KIAA1549L: variants seen among roughly 807,000 people sequenced by gnomAD.
The protein encoded by KIAA1549L is KIAA1549 like, also known as UPF0606 protein KIAA1549L.
In KIAA1549L, 88 loss-of-function variants were observed where a neutral mutation model predicts 160.7. That is an observed-to-expected ratio of 0.55 (90% CI 0.46 to 0.65). The LOEUF is 0.65. Ranked by LOEUF, KIAA1549L falls within the 30% of genes least tolerant of loss-of-function variation. KIAA1549L has a pLI of 0.00. For synonymous variants in KIAA1549L, 950 were observed against 976.7 expected, an observed-to-expected ratio of 0.97 and a Z score of 0.51; for missense variants, 2,258 against 2,437.5, an observed-to-expected ratio of 0.93 and a Z score of 1.55.
chr11:33,479,756 A>G (rs910261303), intron 1 of KIAA1549L, among the ~76,000 whole-genome samples: 3 of 152,176 alleles, frequency 2.0e-5, no homozygotes, highest in African/African-American at 7.2e-5. Context: ...GTTGGGAGGG[A>G]AAACAGGAGC....
At chr11:33,474,497 A>G (rs1315739477) in intron 1 of KIAA1549L, among the ~76,000 whole-genome samples, 1 of 152,172 alleles carries the variant, frequency 6.6e-6, no homozygotes, top group Non-Finnish European at 1.5e-5. Flanking sequence ...TTAGAATCAC[A>G]TGTGTGACAA....
At chr11:33,496,610 C>T (rs1391103818) in intron 1 of KIAA1549L, among the ~76,000 whole-genome samples, 1 of 152,184 alleles carries the variant, frequency 6.6e-6, no homozygotes, top group Non-Finnish European at 1.5e-5. Flanking sequence ...CCTTGGCAGA[C>T]CACTGTAAGG....
intron 1 of KIAA1549L, among the ~76,000 whole-genome samples, chr11:33,387,603 G>T (rs1850198700): frequency 6.6e-6 from 1 of 151,660 alleles, no homozygotes; most frequent in South Asian, 2.1e-4. Flanking sequence ...ATCATTCCTG[G>T]CCCATTTTCT....
chr11:33,457,677 T>A (rs1441229839), intron 1 of KIAA1549L, among the ~76,000 whole-genome samples: 1 of 152,170 alleles, frequency 6.6e-6, no homozygotes, highest in Non-Finnish European at 1.5e-5. Context: ...TAACAAGCAT[T>A]CATTGAGCCC....
chr11:33,533,117 A>T (rs1399436993), intron 1 of KIAA1549L, among the ~76,000 whole-genome samples: 2 of 152,168 alleles, frequency 1.3e-5, no homozygotes, highest in Non-Finnish European at 2.9e-5. Context: ...TTCAGACAGG[A>T]GGTAACAGCA....
At chr11:33,601,084 G>T (rs1404102438) in intron 13 of KIAA1549L, among the ~76,000 whole-genome samples, 2 of 152,182 alleles carry the variant, frequency 1.3e-5, no homozygotes, top group African/African-American at 4.8e-5. Context: ...AATAAAACAG[G>T]TGGGTGCAGG....
intron 1 of KIAA1549L, among the ~76,000 whole-genome samples, chr11:33,491,074 G>A (rs1359487391): frequency 6.6e-6 from 1 of 152,228 alleles, no homozygotes; most frequent in African/African-American, 2.4e-5. Flanking sequence ...ACTAGACTCT[G>A]AGTTTCTTGA....
At chr11:33,518,322 A>G (rs932742995) in intron 1 of KIAA1549L, among the ~76,000 whole-genome samples, 1 of 152,168 alleles carries the variant, frequency 6.6e-6, no homozygotes, top group African/African-American at 2.4e-5. Context: ...ACTGAGGCTT[A>G]GATAAAGTGA....
chr11:33,493,912 C>T (rs1852755591), intron 1 of KIAA1549L, among the ~76,000 whole-genome samples: 1 of 152,164 alleles, frequency 6.6e-6, no homozygotes. Flanking sequence ...ACAGCAGATA[C>T]CCAGTGACAG....
chr11:33,652,366 G>A (rs1851921312), intron 17 of KIAA1549L, among the ~76,000 whole-genome samples: 1 of 152,190 alleles, frequency 6.6e-6, no homozygotes, highest in South Asian at 2.1e-4. Context: ...TGCCCCCTCT[G>A]TGTTTTGTGT....
At chr11:33,628,061 G>A (rs1204337311) in intron 16 of KIAA1549L, among the ~76,000 whole-genome samples, 9 of 152,082 alleles carry the variant, frequency 5.9e-5, no homozygotes, top group Non-Finnish European at 1.3e-4. Flanking sequence ...TCATTCAGGA[G>A]CAGGTTGTTC....
chr11:33,435,796 A>ATATGTG (rs1565135857), intron 1 of KIAA1549L, among the ~76,000 whole-genome samples: 6 of 34,658 alleles, frequency 1.7e-4, no homozygotes, highest in African/African-American at 8.8e-4. Flanking sequence ...ATATATATAT[A>ATATGTG]TATATATATA....
In KIAA1549L at chr11:33,667,997, C is replaced by A; in HGVS notation, c.6284C>A (p.Ala2095Glu). ...CACCCCAGCCTGGAGCAGGCCCCGGCGCCCTCCACAGCGGCCTCGCAGCAG... is the reference window on the plus strand; with the variant it reads ...CACCCCAGCCTGGAGCAGGCCCCGGAGCCCTCCACAGCGGCCTCGCAGCAG... ...NLHPSLEQAP[A>E]PSTAASQQSL... The change falls in exon 21 of 21, where the codon GCG becomes GAG. Residue 2095 changes from alanine (A) to glutamate (E), a missense_variant. This residue lies in a region of KIAA1549L where 1,359 missense variants were observed against 1,546.6 expected (regional missense o/e 0.88). Coordinates refer to ENST00000658780, the MANE Select transcript of KIAA1549L (RefSeq NM_012194.3). 6.2e-7 allele frequency: 1 copy of A among 1,613,940 alleles called. No homozygotes were observed. The highest frequency in any genetic ancestry group is 8.5e-7 in the Non-Finnish European group (1 of 1,179,896).
chr11:33,636,383 G>A (rs1043473531), intron 16 of KIAA1549L, among the ~76,000 whole-genome samples: 1 of 140,404 alleles, frequency 7.1e-6, no homozygotes, highest in African/African-American at 2.7e-5. Context: ...GAGTCTCGCT[G>A]TGTCACCCAG....
chr11:33,406,150 T>A (rs913787256), intron 1 of KIAA1549L, among the ~76,000 whole-genome samples: 2 of 152,208 alleles, frequency 1.3e-5, no homozygotes, highest in African/African-American at 2.4e-5. Context: ...CAATTACAAT[T>A]TGATTATAGA....
chr11:33,586,577 G>A (rs1849885976), intron 11 of KIAA1549L, among the ~76,000 whole-genome samples: 1 of 152,120 alleles, frequency 6.6e-6, no homozygotes, highest in Non-Finnish European at 1.5e-5. Flanking sequence ...CCCTGGAAGA[G>A]GCCACCTTAG....
At chr11:33,582,972 A>G (rs1330060694) in intron 10 of KIAA1549L, among the ~76,000 whole-genome samples, 27 of 152,174 alleles carry the variant, frequency 1.8e-4, no homozygotes, top group Non-Finnish European at 5.9e-5. Flanking sequence ...CACATTTCTC[A>G]GCTTCACTTT....
intron 1 of KIAA1549L, among the ~76,000 whole-genome samples, chr11:33,417,503 C>T (rs1167362039): frequency 6.6e-6 from 1 of 152,174 alleles, no homozygotes; most frequent in Non-Finnish European, 1.5e-5. Flanking sequence ...AGAATAATTG[C>T]CTTGCATGAC....
chr11:33,603,988 A>G (rs1850432440), intron 13 of KIAA1549L, among the ~76,000 whole-genome samples: 1 of 152,142 alleles, frequency 6.6e-6, no homozygotes, highest in Non-Finnish European at 1.5e-5. Flanking sequence ...GAAGAATGCC[A>G]TCTGGTTACC....
Sources: gnomAD v4.1 joint callset for allele counts (sites outside exome capture counted in the v4.1 genomes callset) on GRCh38, gnomAD v4.1.1 for gene constraint, gnomAD v4.1.1 regional missense constraint, MANE v1.5 for transcripts, NCBI Gene and HGNC (gene_info 2026-07-23, HGNC 2026-07-21) for gene names.